SUMF1: variants seen among roughly 807,000 people sequenced by gnomAD.
SUMF1 encodes formylglycine-generating enzyme.
In SUMF1, 48 loss-of-function variants were observed where a neutral mutation model predicts 47.6. The ratio of observed to expected loss-of-function variants is 1.01; its 90% CI spans 0.80 to 1.28. SUMF1 has a LOEUF of 1.28. Ranked by LOEUF, SUMF1 falls within the 50% of genes most tolerant of loss-of-function variation. The pLI, the probability that SUMF1 is intolerant of heterozygous loss-of-function variation, is 0.00. For synonymous variants in SUMF1, 230 were observed against 192.1 expected, an observed-to-expected ratio of 1.20 and a Z score of -1.63; for missense variants, 571 against 485.4, an observed-to-expected ratio of 1.18 and a Z score of -1.66.
chr3:4,245,949 C>T (rs984087905), intron 8 of SUMF1, among the ~76,000 whole-genome samples: 1 of 151,960 alleles, frequency 6.6e-6, no homozygotes, highest in Non-Finnish European at 1.5e-5. Flanking sequence ...GAACTGCCTA[C>T]TGAAGCCTCA....
chr3:4,444,175 C>A (rs1702701427), intron 3 of SUMF1, among the ~76,000 whole-genome samples: 1 of 152,154 alleles, frequency 6.6e-6, no homozygotes, highest in Non-Finnish European at 1.5e-5. Context: ...AGTATGTGAG[C>A]TACTCAAGAA....
rs35648890 is a variant in SUMF1 at position 4,326,522 on chromosome 3, G to GTTTT, written c.1014+49804_1014+49807dup. 4.7e-3 allele frequency among the ~76,000 whole-genome samples: 605 copies of GTTTT among 128,668 alleles called. 19 individuals are homozygous for GTTTT. Among genetic ancestry groups the GTTTT allele is most frequent in the Non-Finnish European group, 7.8e-3 (493 of 63,556 alleles). The allele number at this position is 128,668 out of a possible 152,430, so 84.4% of individuals were successfully genotyped here. A position where few individuals can be genotyped will look rare whatever the true frequency, so the allele number is the denominator to read the frequency against. On this transcript the variant is annotated intron_variant and NMD_transcript_variant, in intron 8 of 12. Transcript: ENST00000448413. Reference sequence around the variant, plus strand: ...ATGTACAAGGCCAGTTTTTCCAAGGGTTTTTTTTTTTTTGAGATAGATCCT... The same window carrying GTTTT: ...ATGTACAAGGCCAGTTTTTCCAAGGGTTTTTTTTTTTTTTTTTGAGATAGATCCT...
At chr3:4,187,638 G>A (rs1490309787) in intron 8 of SUMF1, among the ~76,000 whole-genome samples, 1 of 152,160 alleles carries the variant, frequency 6.6e-6, no homozygotes, top group Non-Finnish European at 1.5e-5. Context: ...AGTTGTTCCA[G>A]TGCAGCAAGT....
chr3:4,334,874 T>A (rs1699115045), intron 8 of SUMF1, among the ~76,000 whole-genome samples: 1 of 152,230 alleles, frequency 6.6e-6, no homozygotes, highest in African/African-American at 2.4e-5. Context: ...TCAAGAGAAC[T>A]TTTTTAGGCT....
At chr3:4,171,101 G>A (rs912105747) in intron 8 of SUMF1, among the ~76,000 whole-genome samples, 1 of 152,132 alleles carries the variant, frequency 6.6e-6, no homozygotes, top group Admixed American at 6.6e-5. Context: ...AGAATTATTC[G>A]ATGCCCTTAA....
intron 8 of SUMF1, chr3:4,303,346 A>G (rs1049549685): frequency 6.5e-7 from 1 of 1,527,346 alleles, no homozygotes; most frequent in South Asian, 1.3e-5. Context: ...CTGTCAGGGT[A>G]GTGGGCGTTG....
At chr3:4,127,448 T>C (rs73114431) in intron 8 of SUMF1, among the ~76,000 whole-genome samples, 4,720 of 152,226 alleles carry the variant, frequency 0.031, 229 homozygotes, top group African/African-American at 0.11. Flanking sequence ...CACAATCTAA[T>C]TAGCTGCCAG....
intron 8 of SUMF1, among the ~76,000 whole-genome samples, chr3:4,106,999 G>A (rs370846125): frequency 6.6e-6 from 1 of 152,016 alleles, no homozygotes; most frequent in East Asian, 1.9e-4. Context: ...GTTCAGAAAG[G>A]CTGTACCTAG....
intron 8 of SUMF1, among the ~76,000 whole-genome samples, chr3:4,369,202 A>G (rs981778787): frequency 6.6e-6 from 1 of 152,208 alleles, no homozygotes; most frequent in Non-Finnish European, 1.5e-5. Flanking sequence ...TAGTGAAATG[A>G]TAGCAACCAA....
chr3:4,447,458 A>T (rs1001002743), intron 3 of SUMF1, among the ~76,000 whole-genome samples: 2 of 152,082 alleles, frequency 1.3e-5, no homozygotes, highest in South Asian at 2.1e-4. Flanking sequence ...GTGCTTTCTC[A>T]CTATGTGATT....
At chr3:4,383,065 GTA>G (rs1266146172) in intron 7 of SUMF1, among the ~76,000 whole-genome samples, 1 of 83,914 alleles carries the variant, frequency 1.2e-5, no homozygotes, top group African/African-American at 4.3e-5. Context: ...AACTTAAAAA[GTA>G]TAATAAAAAG....
intron 8 of SUMF1, among the ~76,000 whole-genome samples, chr3:4,085,195 T>C (rs559230520): frequency 2.6e-5 from 4 of 152,218 alleles, no homozygotes; most frequent in Non-Finnish European, 5.9e-5. Flanking sequence ...GAAGAACATG[T>C]GTTTCCCAGT....
intron 8 of SUMF1, among the ~76,000 whole-genome samples, chr3:4,258,107 C>G (rs1306481968): frequency 6.7e-6 from 1 of 149,950 alleles, no homozygotes; most frequent in Non-Finnish European, 1.5e-5. Context: ...ATACAAAAAT[C>G]AATTCAAGAT....
chr3:4,192,661 T>A (rs945645019), intron 8 of SUMF1, among the ~76,000 whole-genome samples: 1 of 152,118 alleles, frequency 6.6e-6, no homozygotes, highest in Middle Eastern at 3.2e-3. Flanking sequence ...GCATAATACA[T>A]GTTTTATGCT....
In SUMF1 at chr3:4,179,740, A is replaced by G. The variant is rs556863922; in HGVS notation, c.1015-110995T>C. Among the ~76,000 whole-genome samples, 354 of 152,314 alleles carry G rather than the reference A, an allele frequency of 2.3e-3. 3 individuals carry two copies. Among genetic ancestry groups the G allele is most frequent in the Non-Finnish European group, 4.0e-3 (274 of 68,024 alleles). On this transcript the variant is annotated intron_variant and NMD_transcript_variant, in intron 8 of 12. Transcript: ENST00000448413. Reference sequence around the variant, plus strand: ...CTTCTGCACGGCAAGAGAAACTATCATCAGCGTGAACTGGCAACCTACAGA... The same window carrying G: ...CTTCTGCACGGCAAGAGAAACTATCGTCAGCGTGAACTGGCAACCTACAGA...
intron 6 of SUMF1, among the ~76,000 whole-genome samples, chr3:4,411,342 T>C (rs765612446): frequency 7.9e-5 from 12 of 152,144 alleles, no homozygotes; most frequent in South Asian, 4.1e-4. Flanking sequence ...GAAAATCCCA[T>C]TGGACCCAAT....
At chr3:4,382,336 G>GCACACACACACCA (rs143701343) in intron 7 of SUMF1, among the ~76,000 whole-genome samples, 21,915 of 149,344 alleles carry the variant, frequency 0.15, 1,816 homozygotes, top group Middle Eastern at 0.18. Flanking sequence ...ACACATACAT[G>GCACACACACACCA]CACACACACA....
intron 8 of SUMF1, among the ~76,000 whole-genome samples, chr3:4,372,694 G>C (rs541845951): frequency 5.1e-4 from 77 of 152,232 alleles, no homozygotes; most frequent in Non-Finnish European, 8.5e-4. Flanking sequence ...AAAAACTGAG[G>C]CTTAGAAAGA....
chr3:4,384,523 C>T (rs1313606087), intron 7 of SUMF1, among the ~76,000 whole-genome samples: 3 of 152,158 alleles, frequency 2.0e-5, no homozygotes, highest in African/African-American at 7.2e-5. Context: ...AACCCCTTCC[C>T]ACTCCTATAA....
Sources: gnomAD v4.1 joint callset for allele counts (sites outside exome capture counted in the v4.1 genomes callset) on GRCh38, gnomAD v4.1.1 for gene constraint, MANE v1.5 for transcripts, NCBI Gene and HGNC (gene_info 2026-07-23, HGNC 2026-07-21) for gene names.